The following PDE3A variants were observed in gnomAD, a reference collection of about 807,000 sequenced individuals.
The protein encoded by PDE3A is cGMP-inhibited 3',5'-cyclic phosphodiesterase 3A.
A neutral mutation model predicts 98.3 loss-of-function variants in PDE3A; 43 were observed. That is an observed-to-expected ratio of 0.44 (90% CI 0.34 to 0.56). The LOEUF is 0.56. Among genes scored for constraint, PDE3A ranks in the 20% least tolerant of loss-of-function variants. PDE3A has a pLI of 0.01. For synonymous variants in PDE3A, 663 were observed against 567.9 expected, an observed-to-expected ratio of 1.17 and a Z score of -2.38; for missense variants, 1,427 against 1,440.7, an observed-to-expected ratio of 0.99 and a Z score of 0.15.
chr12:20,530,210 TC>T (rs1423337234), intron 1 of PDE3A, among the ~76,000 whole-genome samples: 2 of 152,198 alleles, frequency 1.3e-5, no homozygotes, highest in Non-Finnish European at 2.9e-5. Context: ...TATATCTTTT[TC>T]TTTGCTTAGC....
intron 2 of PDE3A, among the ~76,000 whole-genome samples, chr12:20,609,752 A>G (rs535119968): frequency 6.6e-6 from 1 of 152,150 alleles, no homozygotes; most frequent in East Asian, 1.9e-4. Flanking sequence ...TCAAGCATAC[A>G]TGTTCAAATA....
intron 2 of PDE3A, among the ~76,000 whole-genome samples, chr12:20,610,943 A>T (rs571612051): frequency 6.6e-6 from 1 of 152,002 alleles, no homozygotes; most frequent in Non-Finnish European, 1.5e-5. Context: ...AAAGTAGCAG[A>T]TATATAGGAT....
At chr12:20,576,703 G>T (rs1022147408) in intron 2 of PDE3A, among the ~76,000 whole-genome samples, 3 of 152,066 alleles carry the variant, frequency 2.0e-5, no homozygotes, top group African/African-American at 7.2e-5. Context: ...GGATATTCAC[G>T]GAAATATAAT....
chr12:20,611,394 G>C (rs1943849597), intron 2 of PDE3A, among the ~76,000 whole-genome samples: 1 of 151,408 alleles, frequency 6.6e-6, no homozygotes, highest in Admixed American at 6.6e-5. Context: ...ATATATTTAA[G>C]CACATAAAAT....
At chr12:20,636,981 C>G in intron 8 of PDE3A, 119 bp from the exon 9 acceptor site, 1 of 618,572 alleles carries the variant, frequency 1.6e-6, no homozygotes, top group Non-Finnish European at 2.7e-6. Flanking sequence ...ACTTATTCAC[C>G]TTGGAGTTTT....
At chr12:20,568,418 TA>T (rs1213068235) in intron 2 of PDE3A, among the ~76,000 whole-genome samples, 5 of 152,024 alleles carry the variant, frequency 3.3e-5, no homozygotes, top group Non-Finnish European at 1.5e-5. Context: ...AAAGACATTC[TA>T]TGTTCGTCAT....
At chr12:20,605,487 C>T (rs968270332) in intron 2 of PDE3A, among the ~76,000 whole-genome samples, 1 of 151,806 alleles carries the variant, frequency 6.6e-6, no homozygotes, top group African/African-American at 2.4e-5. Context: ...ATTTTAAAAT[C>T]TTTTTCTTTT....
intron 1 of PDE3A, among the ~76,000 whole-genome samples, chr12:20,535,475 G>A (rs1009962156): frequency 6.6e-5 from 10 of 152,136 alleles, no homozygotes; most frequent in Non-Finnish European, 1.3e-4. Flanking sequence ...AGGATTCCAC[G>A]GAGTAAAAGC....
intron 1 of PDE3A, among the ~76,000 whole-genome samples, chr12:20,452,845 C>T (rs761256620): frequency 3.9e-5 from 6 of 152,150 alleles, no homozygotes; most frequent in Non-Finnish European, 7.3e-5. Flanking sequence ...TTCTGACCCT[C>T]GCACTCTTTG....
At chr12:20,559,203 C>T (rs1443032760) in intron 2 of PDE3A, among the ~76,000 whole-genome samples, 2 of 151,918 alleles carry the variant, frequency 1.3e-5, no homozygotes, top group African/African-American at 2.4e-5. Flanking sequence ...GTTACAATTG[C>T]CTACATTTTT....
chr12:20,425,320 T>C (rs528062640), intron 1 of PDE3A, among the ~76,000 whole-genome samples: 3 of 152,284 alleles, frequency 2.0e-5, no homozygotes, highest in Non-Finnish European at 4.4e-5. Context: ...TTTCATCATA[T>C]AATATTTCTG....
At chr12:20,512,614 C>T (rs1032140072) in intron 1 of PDE3A, among the ~76,000 whole-genome samples, 31 of 152,116 alleles carry the variant, frequency 2.0e-4, no homozygotes, top group African/African-American at 7.5e-4. Flanking sequence ...TTTTTAATTA[C>T]ACAATGGAAT....
intron 1 of PDE3A, among the ~76,000 whole-genome samples, chr12:20,535,925 T>C (rs980473178): frequency 6.6e-6 from 1 of 152,150 alleles, no homozygotes; most frequent in African/African-American, 2.4e-5. Flanking sequence ...AAATGAAAGC[T>C]ACTAGGTGAA....
chr12:20,589,216 G>A (rs1438995781), intron 2 of PDE3A, among the ~76,000 whole-genome samples: 1 of 152,054 alleles, frequency 6.6e-6, no homozygotes, highest in African/African-American at 2.4e-5. Context: ...GAGCCACCAT[G>A]CCCGGCCTCA....
intron 1 of PDE3A, among the ~76,000 whole-genome samples, chr12:20,475,201 G>GTT (rs1476583075): frequency 1.3e-5 from 2 of 150,762 alleles, no homozygotes; most frequent in Non-Finnish European, 3.0e-5. Context: ...GTGTGTGTGT[G>GTT]TGTGTGTGTG....
intron 2 of PDE3A, among the ~76,000 whole-genome samples, chr12:20,602,736 T>C (rs143316882): frequency 1.3e-5 from 2 of 152,330 alleles, no homozygotes; most frequent in African/African-American, 4.8e-5. Flanking sequence ...TCATATTCCC[T>C]GCCAGAAAAT....
intron 1 of PDE3A, among the ~76,000 whole-genome samples, chr12:20,464,062 A>G (rs1226091204): frequency 6.6e-6 from 1 of 152,186 alleles, no homozygotes; most frequent in Non-Finnish European, 1.5e-5. Context: ...AATGTTTACT[A>G]ATGATACTGT....
chr12:20,371,817 C>T (rs976292477), intron 1 of PDE3A, among the ~76,000 whole-genome samples: 2 of 152,014 alleles, frequency 1.3e-5, no homozygotes, highest in Non-Finnish European at 2.9e-5. Flanking sequence ...GGTAAACTAA[C>T]CATTTTAATT....
At chr12:20,558,561 A>G (rs1172924552) in intron 2 of PDE3A, among the ~76,000 whole-genome samples, 1 of 151,912 alleles carries the variant, frequency 6.6e-6, no homozygotes, top group African/African-American at 2.4e-5. Flanking sequence ...ACACCAAAAG[A>G]TAAGAACAAT....
Sources: gnomAD v4.1 joint callset for allele counts (sites outside exome capture counted in the v4.1 genomes callset) on GRCh38, gnomAD v4.1.1 for gene constraint, MANE v1.5 for transcripts, NCBI Gene and HGNC (gene_info 2026-07-23, HGNC 2026-07-21) for gene names.